Variants in ALPL observed in about 807,000 individuals in gnomAD.
ALPL encodes the protein alkaline phosphatase, tissue-nonspecific isozyme.
In ALPL, 42 loss-of-function variants were observed where a neutral mutation model predicts 51.3. That is an observed-to-expected ratio of 0.82 (90% CI 0.64 to 1.06). The LOEUF is 1.06. Ranked by LOEUF, ALPL falls within the 50% of genes least tolerant of loss-of-function variation. The pLI, the probability that ALPL is intolerant of heterozygous loss-of-function variation, is 0.00. For missense variants in ALPL, 589 were observed against 709.4 expected, an observed-to-expected ratio of 0.83 and a Z score of 1.93; for synonymous variants, 279 against 296.4, an observed-to-expected ratio of 0.94 and a Z score of 0.60.
intron 1 of ALPL, among the ~76,000 whole-genome samples, chr1:21,540,735 CCT>C (rs146355810): frequency 3.3e-5 from 5 of 150,758 alleles, no homozygotes; most frequent in East Asian, 1.9e-4. Context: ...TTGGGAGTGT[CCT>C]CTCTCTCTCT....
At chr1:21,545,846 T>G (rs1644247646) in intron 1 of ALPL, among the ~76,000 whole-genome samples, 1 of 152,160 alleles carries the variant, frequency 6.6e-6, no homozygotes, top group Admixed American at 6.6e-5. Context: ...AGACAGAGTC[T>G]CGCTCTGTTG....
Position 21,577,816 on chromosome 1 carries a change from T to G in ALPL, c.*168T>G. 1 of 944,696 alleles carries G rather than the reference T, an allele frequency of 1.1e-6. No individual in the cohort carries two copies. The allele number at this position is 944,696 out of a possible 1,614,324, so 58.5% of individuals were successfully genotyped here. On this transcript the variant is annotated 3_prime_UTR_variant, in exon 12 of 12. Coordinates refer to ENST00000374840, the MANE Select transcript of ALPL (RefSeq NM_000478.6). ...GCCCACCTCGCTCCCCTCTGGAATC[T>G]TCCCCAAGGGCCAAACCCACTTCTG...
At position 21,564,240 on chromosome 1, in the gene ALPL, C is replaced by A. The variant is rs1332389857; in HGVS notation, c.648+24C>A. On this transcript the variant is annotated intron_variant, in intron 6 of 11. Coordinates refer to ENST00000374840, the MANE Select transcript of ALPL (RefSeq NM_000478.6). This position sits in a 1 kb window ranked among gnomAD's most constrained non-coding sequence, Gnocchi z 5.8. ...ACGTGAGTGCTCGGGGGCAGCCGGGCAGGGACGGGGTGAGGCGGGGCCTCT... is the reference window on the plus strand; with the variant it reads ...ACGTGAGTGCTCGGGGGCAGCCGGGAAGGGACGGGGTGAGGCGGGGCCTCT... 1.2e-6 allele frequency: 2 copies of A among 1,612,058 alleles called. No individual in the cohort carries two copies. Among genetic ancestry groups the A allele is most frequent in the South Asian group, 2.2e-5 (2 of 91,068 alleles).
chr1:21,548,302 C>G (rs777708998), intron 1 of ALPL, among the ~76,000 whole-genome samples: 2 of 152,226 alleles, frequency 1.3e-5, no homozygotes, highest in Non-Finnish European at 2.9e-5. Flanking sequence ...CAGGGAGGCT[C>G]TGGGTTCTGA....
At chr1:21,571,024 G>A (rs1349498762) in intron 8 of ALPL, among the ~76,000 whole-genome samples, 1 of 152,222 alleles carries the variant, frequency 6.6e-6, no homozygotes, top group Non-Finnish European at 1.5e-5. Context: ...TGTGCACCTG[G>A]TGGGTCCTCC....
intron 2 of ALPL, among the ~76,000 whole-genome samples, chr1:21,554,877 CTTTCTTTCTT>C (rs1326427847): frequency 4.4e-5 from 6 of 137,290 alleles, no homozygotes; most frequent in South Asian, 2.4e-4. Flanking sequence ...TTCTTTCTCT[CTTTCTTTCTT>C]TTTCTTTCTT....
chr1:21,562,209 T>A (rs1161289866), intron 4 of ALPL, among the ~76,000 whole-genome samples: 1 of 152,242 alleles, frequency 6.6e-6, no homozygotes, highest in Non-Finnish European at 1.5e-5. Flanking sequence ...AAAAAATGTA[T>A]ATACCTTAAT....
chr1:21,528,127 C>T (rs1308742013), intron 1 of ALPL, among the ~76,000 whole-genome samples: 1 of 150,618 alleles, frequency 6.6e-6, no homozygotes, highest in Non-Finnish European at 1.5e-5. Context: ...TAAAGTGATC[C>T]TCCCACCTCA....
At position 21,564,540 on chromosome 1, in the gene ALPL, G is replaced by A. The variant is rs924538513; in HGVS notation, c.648+324G>A. ...CGGGAGGTGGTGATGGCCAAGTGTC[G>A]TCTGCCTGCCCTGCGTATTCACATG... On this transcript the variant is annotated intron_variant, in intron 6 of 11. Transcript: ENST00000374840. The surrounding 1 kb of genome is among the most constrained non-coding windows in gnomAD (Gnocchi z 5.8). Among the ~76,000 whole-genome samples the A allele has an allele frequency of 4.6e-5, 7 of 152,286 alleles. No individual in the cohort carries two copies. The highest frequency in any genetic ancestry group is 3.4e-3 in the Middle Eastern group (1 of 294).
intron 1 of ALPL, among the ~76,000 whole-genome samples, chr1:21,510,752 A>G (rs1030502818): frequency 6.6e-6 from 1 of 151,614 alleles, no homozygotes; most frequent in South Asian, 2.1e-4. Flanking sequence ...CTCTTCCTCC[A>G]CTCTCCAGTC....
chr1:21,577,780 C>G lies in ALPL; in HGVS notation c.*132C>G, dbSNP rs1644763230. The G allele has an allele frequency of 8.3e-7, 1 of 1,203,484 alleles. No individual in the cohort carries two copies. The highest frequency in any genetic ancestry group is 1.1e-6 in the Non-Finnish European group (1 of 876,552). The allele number at this position is 1,203,484 out of a possible 1,614,324, so 74.6% of individuals were successfully genotyped here. On this transcript the variant is annotated 3_prime_UTR_variant, in exon 12 of 12. Coordinates refer to ENST00000374840, the MANE Select transcript of ALPL (RefSeq NM_000478.6). ...CTGCAAGAAAGGGGACCCAAGAAACCAAAGTCTGCCGCCCACCTCGCTCCC... is the reference window on the plus strand; with the variant it reads ...CTGCAAGAAAGGGGACCCAAGAAACGAAAGTCTGCCGCCCACCTCGCTCCC...
intron 2 of ALPL, among the ~76,000 whole-genome samples, 187 bp from the exon 3 acceptor site, chr1:21,560,439 G>A (rs1644466981): frequency 6.6e-6 from 1 of 152,122 alleles, no homozygotes; most frequent in African/African-American, 2.4e-5. Flanking sequence ...GGGTCCACAG[G>A]CTTTTCTGGA....
intron 1 of ALPL, among the ~76,000 whole-genome samples, chr1:21,546,952 C>G (rs1330076377): frequency 6.6e-6 from 1 of 152,240 alleles, no homozygotes; most frequent in Non-Finnish European, 1.5e-5. Flanking sequence ...AGGGGAAAAC[C>G]TACTGTGTTA....
chr1:21,549,440 C>T (rs557990717), intron 1 of ALPL, among the ~76,000 whole-genome samples: 7 of 152,102 alleles, frequency 4.6e-5, no homozygotes, highest in Non-Finnish European at 1.0e-4. Flanking sequence ...AAAGACCACC[C>T]CAAACGCCGA....
At chr1:21,572,627 A>G (rs1040099764) in intron 8 of ALPL, among the ~76,000 whole-genome samples, 2 of 152,112 alleles carry the variant, frequency 1.3e-5, no homozygotes, top group African/African-American at 4.8e-5. Context: ...AGCATGTGGC[A>G]CCAAGTGAAC....
At chr1:21,574,155 C>T (rs915870258) in intron 9 of ALPL, 5 of 985,364 alleles carry the variant, frequency 5.1e-6, no homozygotes, top group African/African-American at 1.7e-5. Flanking sequence ...GGCTTTCCCA[C>T]GCTGTGTGCT....
Position 21,563,225 on chromosome 1 carries a change from G to T in ALPL, c.413G>T (p.Arg138Leu), listed in dbSNP as rs140167865. 1.2e-6 allele frequency: 2 copies of T among 1,613,740 alleles called. No individual in the cohort carries two copies. The highest frequency in any genetic ancestry group is 1.7e-6 in the Non-Finnish European group (2 of 1,180,002). Reference protein sequence around the residue: ...VGVSAATERSRCNTTQGNEVT... With the variant: ...VGVSAATERSLCNTTQGNEVT... ...GTAAGCGCAGCCACTGAGCGTTCCC[G>T]GTGCAACACCACCCAGGGGAACGAG... The change falls in exon 5 of 12, where the codon CGG (arginine) becomes CTG (leucine). Residue 138 changes from arginine to leucine, a missense_variant. Transcript: ENST00000374840.
In ALPL at chr1:21,576,249, TG is replaced by T. The variant is rs1301000291; in HGVS notation, c.1190-271del. Among the ~76,000 whole-genome samples, 279 of 106,604 alleles carry T rather than the reference TG, an allele frequency of 2.6e-3. 1 individual carries two copies. The highest frequency in any genetic ancestry group is 0.011 in the South Asian group (42 of 3,846). 69.9% of individuals were successfully genotyped at this position (106,604 alleles called of 152,430 possible). ...ATGGATGGATGGATGGATGGATGGA[TG>T]GATGATGGATGGATGGATGGGTGGA... On this transcript the variant is annotated intron_variant, in intron 10 of 11. Transcript: ENST00000374840.
chr1:21,577,383 C>T lies in ALPL; in HGVS notation c.1310C>T (p.Ala437Val), dbSNP rs1437787933. The change falls in exon 12 of 12, where the codon GCT becomes GTT. Residue 437 changes from alanine to valine, a missense_variant and splice_region_variant. Coordinates refer to ENST00000374840, the MANE Select transcript of ALPL (RefSeq NM_000478.6). ...AGCAGGTGTTTCCCCTGGCCCACAG[C>T]TCACAACAACTACCAGGCGCAGTCT... The part of the protein sequence containing the change: ...ERENVSMVDY[A>V]HNNYQAQSAV... The T allele has an allele frequency of 5.6e-6, 9 of 1,613,294 alleles. No individual in the cohort carries two copies. The highest frequency in any genetic ancestry group is 1.7e-5 in the Admixed American group (1 of 60,034).
Sources: gnomAD v4.1 joint callset for allele counts (sites outside exome capture counted in the v4.1 genomes callset) on GRCh38, gnomAD v4.1.1 for gene constraint, Gnocchi (gnomAD v3.1) non-coding constraint, MANE v1.5 for transcripts, NCBI Gene and HGNC (gene_info 2026-07-23, HGNC 2026-07-21) for gene names.